Variants in S100A10 observed in about 807,000 individuals in gnomAD.
The protein encoded by S100A10 is protein S100-A10.
A neutral mutation model predicts 7.1 loss-of-function variants in S100A10; 3 were observed. The ratio of observed to expected loss-of-function variants is 0.42; its 90% confidence interval spans 0.19 to 1.10. S100A10 has a LOEUF of 1.10. Among genes scored for constraint, S100A10 ranks in the 50% least tolerant of loss-of-function variants. The pLI is 0.29. For missense variants in S100A10, 101 were observed against 118.1 expected (o/e 0.86, Z 0.67); for synonymous variants, 41 against 39.3 (o/e 1.04, Z -0.16).
At chr1:151,992,996 T>C (rs1655938492) in intron 1 of S100A10, among the ~76,000 whole-genome samples, 1 of 152,234 alleles carries the variant, frequency 6.6e-6, no homozygotes, top group Admixed American at 6.5e-5. Context: ...AATTAATCTA[T>C]GATTGGAAGA....
chr1:151,983,402 G>A (rs1413870753), intron 2 of S100A10, 78 bp from the exon 3 acceptor site: 8 of 906,392 alleles, frequency 8.8e-6, no homozygotes, highest in African/African-American at 8.4e-5. Context: ...GTACTGCTGA[G>A]AACTGTGTAT....
chr1:151,990,694 T>C (rs921082101), intron 1 of S100A10, among the ~76,000 whole-genome samples: 51 of 152,194 alleles, frequency 3.4e-4, no homozygotes, highest in Non-Finnish European at 5.9e-5. Context: ...CATACACACA[T>C]GCACACACAC....
chr1:151,985,697 C>T (rs1457734187), intron 2 of S100A10, among the ~76,000 whole-genome samples: 8 of 152,206 alleles, frequency 5.3e-5, no homozygotes, highest in African/African-American at 1.9e-4. Flanking sequence ...TAGCCATTTT[C>T]TGGTTGACTA....
Position 151,983,069 on chromosome 1 carries a change from T to C in S100A10, c.*94A>G. ...TTTGCTAAGTGTCCTGATCTGCTCA[T>C]GAAATCCTTCTATGGGGGAAGCTGT... On this transcript the variant is annotated 3_prime_UTR_variant, in exon 3 of 3. Coordinates refer to ENST00000368811, the MANE Select transcript of S100A10 (RefSeq NM_002966.3). The C allele has an allele frequency of 2.4e-6, 2 of 842,506 alleles. No homozygotes were observed. Among genetic ancestry groups the C allele is most frequent in the Non-Finnish European group, 1.7e-6 (1 of 575,464 alleles). The allele number at this position is 842,506 out of a possible 1,614,324, so 52.2% of individuals were successfully genotyped here.
In S100A10 at chr1:151,993,546, G is replaced by T. The variant is rs188433911; in HGVS notation, c.-22+206C>A. Among the ~76,000 whole-genome samples, 421 of 152,320 alleles carry T rather than the reference G, an allele frequency of 2.8e-3. 2 individuals are homozygous for T. The highest frequency in any genetic ancestry group is 9.7e-3 in the African/African-American group (404 of 41,572). Reference sequence around the variant, plus strand: ...CTCTGGTCCGCGTGGGTCTGGGGGCGGCCGCGCCCGGGCCGGGGAGGGGCG... The same window carrying T: ...CTCTGGTCCGCGTGGGTCTGGGGGCTGCCGCGCCCGGGCCGGGGAGGGGCG... On this transcript the variant is annotated intron_variant, in intron 1 of 2. Coordinates refer to ENST00000368811, the MANE Select transcript of S100A10 (RefSeq NM_002966.3). This position sits in a 1 kb window ranked among gnomAD's most constrained non-coding sequence, Gnocchi z 5.1.
intron 2 of S100A10, chr1:151,984,017 G>T (rs1405194196): frequency 6.6e-6 from 1 of 152,184 alleles, no homozygotes; most frequent in Non-Finnish European, 1.5e-5. Flanking sequence ...TCAGTGCCTG[G>T]TAAGAATGTA....
chr1:151,983,840 T>G (rs1234432690), intron 2 of S100A10, among the ~76,000 whole-genome samples: 1 of 152,182 alleles, frequency 6.6e-6, no homozygotes, highest in Non-Finnish European at 1.5e-5. Context: ...TTAGTGGGCC[T>G]TTGTGTATCA....
chr1:151,987,734 G>A (rs551639517), intron 1 of S100A10, among the ~76,000 whole-genome samples: 7 of 151,488 alleles, frequency 4.6e-5, no homozygotes. Flanking sequence ...TAGAGATGGG[G>A]TTTCACCGTG....
intron 1 of S100A10, among the ~76,000 whole-genome samples, chr1:151,989,318 G>T (rs1394216012): frequency 6.6e-6 from 1 of 152,044 alleles, no homozygotes; most frequent in African/African-American, 2.4e-5. Context: ...CTCCCACTTG[G>T]TCTTCCCCTC....
chr1:151,992,635 C>T (rs1420903381), intron 1 of S100A10: 1 of 152,166 alleles, frequency 6.6e-6, no homozygotes, highest in Non-Finnish European at 1.5e-5. Flanking sequence ...CACATGGTCT[C>T]ACAGCTGAGT....
At chr1:151,990,260 G>A (rs1655878499) in intron 1 of S100A10, among the ~76,000 whole-genome samples, 1 of 152,178 alleles carries the variant, frequency 6.6e-6, no homozygotes, top group South Asian at 2.1e-4. Context: ...TACGCAAAAG[G>A]AAAAATATGT....
At chr1:151,992,130 C>T (rs1402861824) in intron 1 of S100A10, among the ~76,000 whole-genome samples, 3 of 152,172 alleles carry the variant, frequency 2.0e-5, no homozygotes, top group African/African-American at 7.2e-5. Context: ...TCTGTGGGGG[C>T]AGGGCCGATG....
At chr1:151,991,770 G>T (rs900091959) in intron 1 of S100A10, among the ~76,000 whole-genome samples, 1 of 152,170 alleles carries the variant, frequency 6.6e-6, no homozygotes, top group Non-Finnish European at 1.5e-5. Flanking sequence ...ATACCAAGTG[G>T]GTTGTGCTCT....
In S100A10 at chr1:151,982,943, T is replaced by C. The variant is rs1037844280; in HGVS notation, c.*220A>G. ...GGAACTAAAAAAGAACTTTATTTAT[T>C]GAGGGCAAGGGGATGCAAACAATAC... On this transcript the variant is annotated 3_prime_UTR_variant, in exon 3 of 3. Coordinates refer to ENST00000368811, the MANE Select transcript of S100A10 (RefSeq NM_002966.3). 2.8e-6 allele frequency: 1 copy of C among 358,522 alleles called. No homozygotes were observed. Among genetic ancestry groups the C allele is most frequent in the Non-Finnish European group, 5.0e-6 (1 of 199,694 alleles). The allele number at this position is 358,522 out of a possible 1,614,324, so 22.2% of individuals were successfully genotyped here.
chr1:151,986,948 G>C (rs1655803241), intron 1 of S100A10, among the ~76,000 whole-genome samples: 1 of 150,720 alleles, frequency 6.6e-6, no homozygotes, highest in Non-Finnish European at 1.5e-5. Flanking sequence ...AAGGGGTTTA[G>C]CTAACTCCAG....
rs377184690 is a variant in S100A10, at chr1:151,986,174, G to A, written c.57C>T (p.Phe19=). ...METMMFTFHK[F]AGDKGYLTKE... is the part of the protein sequence containing the mutation. Reference sequence around the variant, plus strand: ...TTGTTAAGTAGCCTTTATCCCCAGCGAATTTGTGAAATGTAAACATCATGG... The same window carrying A: ...TTGTTAAGTAGCCTTTATCCCCAGCAAATTTGTGAAATGTAAACATCATGG... The change falls in exon 2 of 3, where the codon TTC becomes TTT. Residue 19 remains phenylalanine, a synonymous_variant. Coordinates refer to ENST00000368811, the MANE Select transcript of S100A10 (RefSeq NM_002966.3). The A allele has an allele frequency of 5.0e-6, 8 of 1,610,096 alleles. No individual in the cohort carries two copies. Among genetic ancestry groups the A allele is most frequent in the South Asian group, 1.1e-5 (1 of 90,276 alleles).
chr1:151,989,135 C>A (rs778589896), intron 1 of S100A10, among the ~76,000 whole-genome samples: 30 of 152,200 alleles, frequency 2.0e-4, no homozygotes, highest in Non-Finnish European at 3.8e-4. Flanking sequence ...CTAAGAAATA[C>A]AAGTTGTCAG....
At chr1:151,987,833 G>A (rs556053795) in intron 1 of S100A10, among the ~76,000 whole-genome samples, 1 of 152,300 alleles carries the variant, frequency 6.6e-6, no homozygotes, top group East Asian at 1.9e-4. Context: ...CGGCCTATAT[G>A]TATTCTTTAC....
In S100A10 at chr1:151,983,326, T is replaced by TA; in HGVS notation, c.133-3_133-2insT. The TA allele has an allele frequency of 1.3e-6, 2 of 1,527,800 alleles. No homozygotes were observed. The highest frequency in any genetic ancestry group is 2.3e-5 in the Admixed American group (1 of 42,604). The allele number at this position is 1,527,800 out of a possible 1,614,324, so 94.6% of individuals were successfully genotyped here. A position where few individuals can be genotyped will look rare whatever the true frequency, so the allele number is the denominator to read the frequency against. ...CACAGCCAGAGGGTCTTTTTGATTC[T>TA]GAAAAAAAAAAGAACAAAGGCAAGA... is the stretch of plus-strand genomic sequence containing the variant. On this transcript the variant is annotated splice_region_variant and splice_polypyrimidine_tract_variant and intron_variant, in intron 2 of 2. Coordinates refer to ENST00000368811, the MANE Select transcript of S100A10 (RefSeq NM_002966.3).
Sources: allele counts gnomAD v4.1 joint callset (sites outside exome capture counted in the v4.1 genomes callset), GRCh38; gene constraint gnomAD v4.1.1; non-coding constraint Gnocchi (gnomAD v3.1); transcripts MANE v1.5; gene names NCBI Gene and HGNC (gene_info 2026-07-23, HGNC 2026-07-21).